The following ANKMY1 variants were observed in gnomAD, a reference collection of about 807,000 sequenced individuals.
The protein encoded by ANKMY1 is ankyrin repeat and MYND domain-containing protein 1.
ANKMY1 carries 98 observed loss-of-function variants against 102.0 expected under a neutral mutation model. The ratio of observed to expected loss-of-function variants is 0.96; its 90% CI spans 0.82 to 1.14. ANKMY1 has a LOEUF of 1.14. Ranked by LOEUF, ANKMY1 falls within the 50% of genes most tolerant of loss-of-function variation. The pLI is 0.00. For missense variants in ANKMY1, 1,330 were observed against 1,347.6 expected, an observed-to-expected ratio of 0.99 and a Z score of 0.20; for synonymous variants, 582 against 559.9, an observed-to-expected ratio of 1.04 and a Z score of -0.56.
At position 240,500,437 on chromosome 2, in the gene ANKMY1, A is replaced by G; in HGVS notation, c.2640+15T>C. ...CACACTCCCCCTCCTTCCTCATGGG[A>G]GGCTCACCACCTACCTGGAAGAATC... On this transcript the variant is annotated intron_variant, in intron 14 of 17. Transcript: ENST00000401804. 1 of 1,609,812 alleles carries G rather than the reference A, an allele frequency of 6.2e-7. No homozygotes were observed. The highest frequency in any genetic ancestry group is 8.5e-7 in the Non-Finnish European group (1 of 1,176,952).
rs565731891 is a variant in ANKMY1 at position 240,529,003 on chromosome 2, G to A, written c.953+34C>T. ...GCCTAGGGCAGCCTGCACAGTGCAC[G>A]GCCCTAGGGGAGGAGCAGTAGCAGA... On this transcript the variant is annotated intron_variant, in intron 5 of 17. Coordinates refer to ENST00000401804, the MANE Select transcript of ANKMY1 (RefSeq NM_001282771.3). The surrounding 1 kb of genome is among the most constrained non-coding windows in gnomAD (Gnocchi z 4.2). The A allele has an allele frequency of 2.5e-5, 40 of 1,598,532 alleles. No homozygotes were observed. Among genetic ancestry groups the A allele is most frequent in the Middle Eastern group, 3.3e-4 (2 of 6,018 alleles).
rs914782428 is a variant in ANKMY1 at position 240,520,944 on chromosome 2, AACCACACACAC to A, written c.1833-422_1833-412del. The stretch of plus-strand genomic sequence containing the variant: ...TACACATACAGCACACAACCACACA[AACCACACACAC>A]ACCACACACACCACTCACACCACAA... On this transcript the variant is annotated intron_variant, in intron 8 of 17. Coordinates refer to ENST00000401804, the MANE Select transcript of ANKMY1 (RefSeq NM_001282771.3). The surrounding 1 kb of genome is among the most constrained non-coding windows in gnomAD (Gnocchi z 4.8). Among the ~76,000 whole-genome samples the A allele has an allele frequency of 5.0e-5, 7 of 141,334 alleles. No individual in the cohort carries two copies. The highest frequency in any genetic ancestry group is 1.5e-5 in the Non-Finnish European group (1 of 65,104). 92.7% of individuals were successfully genotyped at this position (141,334 alleles called of 152,430 possible).
At chr2:240,504,068 C>T (rs1028817191) in intron 13 of ANKMY1, among the ~76,000 whole-genome samples, 5 of 152,230 alleles carry the variant, frequency 3.3e-5, no homozygotes, top group Admixed American at 1.3e-4. Context: ...TGGCTTCAGC[C>T]GCCCAGGCTA....
chr2:240,518,025 G>A (rs1483483458), intron 9 of ANKMY1, among the ~76,000 whole-genome samples: 9 of 152,220 alleles, frequency 5.9e-5, no homozygotes, highest in South Asian at 2.1e-4. Context: ...TGCCCACGAC[G>A]CCCCTCCTCA....
At chr2:240,545,423 A>G (rs2090131764) in intron 4 of ANKMY1, among the ~76,000 whole-genome samples, 1 of 152,258 alleles carries the variant, frequency 6.6e-6, no homozygotes, top group Non-Finnish European at 1.5e-5. Flanking sequence ...AGCAGAGCAG[A>G]AAAACTGGAA....
chr2:240,560,595 G>A, upstream of ANKMY1: 2 of 1,324,232 alleles, frequency 1.5e-6, no homozygotes, highest in African/African-American at 1.5e-5. Flanking sequence ...CCGGCGGCCC[G>A]CCCGGCTCCC....
At chr2:240,510,190 C>T in intron 11 of ANKMY1, among the ~76,000 whole-genome samples, 1 of 133,232 alleles carries the variant, frequency 7.5e-6, no homozygotes, top group Non-Finnish European at 1.6e-5. Flanking sequence ...TCCTTGCCCT[C>T]CCTGCCCTCC....
intron 3 of ANKMY1, 46 bp downstream of exon 3, chr2:240,554,820 C>T (rs2092095688): frequency 6.2e-7 from 1 of 1,604,654 alleles, no homozygotes; most frequent in African/African-American, 1.3e-5. Context: ...AGGCCAGCCA[C>T]CAGAGGCCCT....
At chr2:240,519,489 G>A (rs1295330630) in intron 9 of ANKMY1, among the ~76,000 whole-genome samples, 2 of 152,180 alleles carry the variant, frequency 1.3e-5, no homozygotes, top group Non-Finnish European at 2.9e-5. Context: ...ATGGACTGAC[G>A]GAGCTGCGAG....
intron 5 of ANKMY1, among the ~76,000 whole-genome samples, chr2:240,528,302 C>G (rs376228256): frequency 1.4e-5 from 2 of 139,944 alleles, no homozygotes; most frequent in African/African-American, 5.1e-5. Flanking sequence ...CACCCCCCCC[C>G]CAAAAAAATT....
At chr2:240,558,021 G>GC (rs1053231021), upstream of ANKMY1, 443 of 966,602 alleles carry the variant, frequency 4.6e-4, 1 homozygote, top group Admixed American at 4.7e-3. Flanking sequence ...AGACAGCCCC[G>GC]CCCCATGCCC....
Position 240,515,081 on chromosome 2 carries a change from G to A in ANKMY1, c.2005-2139C>T, listed in dbSNP as rs566934341. Among the ~76,000 whole-genome samples, 19 of 152,352 alleles carry A rather than the reference G, an allele frequency of 1.2e-4. No individual in the cohort carries two copies. In the South Asian group the frequency reaches 3.5e-3, roughly 28 times the overall value. ...AGGCCCAGAGACTATCGTAAAAGAG[G>A]TGAGCACATGAGATTGCAAGGGGCA... On this transcript the variant is annotated intron_variant, in intron 9 of 17. Transcript: ENST00000401804.
intron 4 of ANKMY1, among the ~76,000 whole-genome samples, chr2:240,547,985 A>G (rs1285610970): frequency 6.6e-6 from 1 of 152,290 alleles, no homozygotes; most frequent in African/African-American, 2.4e-5. Context: ...TCAATAAAAA[A>G]AGAGGGAATC....
downstream of ANKMY1, among the ~76,000 whole-genome samples, chr2:240,477,248 A>G (rs2074917744): frequency 1.3e-5 from 2 of 152,264 alleles, no homozygotes; most frequent in Non-Finnish European, 1.5e-5. Context: ...CCCAGGAGGC[A>G]GAGGTTGCAG....
intron 16 of ANKMY1, 103 bp from the exon 17 acceptor site, chr2:240,481,200 T>C: frequency 7.0e-7 from 1 of 1,431,398 alleles, no homozygotes; most frequent in Non-Finnish European, 9.4e-7. Flanking sequence ...TCCTGGGCTA[T>C]TCCCCACCGT....
chr2:240,474,066 G>A, the ANKMY1 span, among the ~76,000 whole-genome samples: 4 of 151,144 alleles, frequency 2.6e-5, no homozygotes, highest in Non-Finnish European at 5.9e-5. Flanking sequence ...AAAGGAGGAA[G>A]TTAAACTGTC....
intron 16 of ANKMY1, 133 bp from the exon 17 acceptor site, chr2:240,481,230 T>C: frequency 1.8e-6 from 2 of 1,139,064 alleles, no homozygotes; most frequent in Admixed American, 2.7e-5. Flanking sequence ...TCCCCTGCAT[T>C]GGGCAGCCTT....
intron 15 of ANKMY1, among the ~76,000 whole-genome samples, chr2:240,486,684 A>G (rs1053561330): frequency 2.0e-5 from 3 of 151,930 alleles, no homozygotes; most frequent in African/African-American, 4.8e-5. Context: ...GTTACTTTTA[A>G]TTTTCTTTAA....
intron 15 of ANKMY1, among the ~76,000 whole-genome samples, chr2:240,484,552 T>A (rs557752308): frequency 6.6e-6 from 1 of 152,110 alleles, no homozygotes; most frequent in South Asian, 2.1e-4. Context: ...AAAAATTAAC[T>A]CAAGATGGAT....
Sources: gnomAD v4.1 joint callset for allele counts (sites outside exome capture counted in the v4.1 genomes callset) on GRCh38, gnomAD v4.1.1 for gene constraint, Gnocchi (gnomAD v3.1) non-coding constraint, MANE v1.5 for transcripts, NCBI Gene and HGNC (gene_info 2026-07-23, HGNC 2026-07-21) for gene names.